ALDH18A1: variants seen among roughly 807,000 people sequenced by gnomAD.
ALDH18A1 encodes delta-1-pyrroline-5-carboxylate synthase.
A neutral mutation model predicts 88.8 loss-of-function variants in ALDH18A1; 44 were observed. The observed-to-expected ratio is 0.50, with a 90% CI of 0.39 to 0.64. The LOEUF is 0.64. Among genes scored for constraint, ALDH18A1 ranks in the 30% least tolerant of loss-of-function variants. The pLI, the probability that ALDH18A1 is intolerant of heterozygous loss-of-function variation, is 0.00. For synonymous variants in ALDH18A1, 331 were observed against 372.1 expected (o/e 0.89, Z 1.27); for missense variants, 782 against 1,009.5 (o/e 0.77, Z 3.05).
intron 2 of ALDH18A1, among the ~76,000 whole-genome samples, chr10:95,649,069 G>A (rs2097905770): frequency 6.6e-6 from 1 of 152,114 alleles, no homozygotes; most frequent in Non-Finnish European, 1.5e-5. Context: ...GCTTGGAAAT[G>A]GACTACTGAT....
In ALDH18A1 at chr10:95,612,354, G is replaced by A. The variant is rs112014986; in HGVS notation, c.1924-912C>T. On this transcript the variant is annotated intron_variant, in intron 15 of 17. Coordinates refer to ENST00000371224, the MANE Select transcript of ALDH18A1 (RefSeq NM_002860.4). ...TTTAAGGATTCTGAGGCTGGTCACC[G>A]AGGATCCCAATCACAAGCTGGATCC... Among the ~76,000 whole-genome samples the A allele has an allele frequency of 6.2e-3, 939 of 152,298 alleles. 6 individuals are homozygous for A. The highest frequency in any genetic ancestry group is 0.01 in the Non-Finnish European group (704 of 68,014).
intron 3 of ALDH18A1, among the ~76,000 whole-genome samples, chr10:95,639,985 T>C (rs533448366): frequency 1.5e-4 from 23 of 152,124 alleles, no homozygotes; most frequent in Non-Finnish European, 3.1e-4. Flanking sequence ...AGGGGATACA[T>C]AATGCCTGGT....
At chr10:95,625,336 T>C (rs373405092) in intron 11 of ALDH18A1, 26 bp downstream of exon 11, 12 of 1,601,804 alleles carry the variant, frequency 7.5e-6, no homozygotes, top group Non-Finnish European at 9.4e-6. Flanking sequence ...CTCCACAACA[T>C]TGACTTTAAA....
intron 11 of ALDH18A1, among the ~76,000 whole-genome samples, chr10:95,624,625 T>A (rs2097857922): frequency 6.6e-6 from 1 of 152,038 alleles, no homozygotes. Flanking sequence ...AAAGACAGAA[T>A]TAAGAAAAAG....
intron 7 of ALDH18A1, among the ~76,000 whole-genome samples, chr10:95,630,679 C>A (rs529754340): frequency 6.6e-6 from 1 of 152,138 alleles, no homozygotes; most frequent in African/African-American, 2.4e-5. Flanking sequence ...CCACTGCACT[C>A]CAGCCTGGGT....
At chr10:95,629,753 A>G (rs1351897302) in intron 7 of ALDH18A1, among the ~76,000 whole-genome samples, 1 of 152,086 alleles carries the variant, frequency 6.6e-6, no homozygotes, top group Non-Finnish European at 1.5e-5. Flanking sequence ...CCCCACCAAG[A>G]GCATAGTTAA....
At chr10:95,640,187 G>A (rs920916519) in intron 3 of ALDH18A1, among the ~76,000 whole-genome samples, 1 of 151,808 alleles carries the variant, frequency 6.6e-6, no homozygotes, top group African/African-American at 2.4e-5. Context: ...TCTATGAAAA[G>A]CAGGACAAAT....
chr10:95,620,899 C>G, intron 12 of ALDH18A1, 132 bp downstream of exon 12: 1 of 880,520 alleles, frequency 1.1e-6, no homozygotes, highest in Non-Finnish European at 1.8e-6. Flanking sequence ...TGTAACAAAC[C>G]TGCACGTTGT....
chr10:95,606,996 T>TC, intron 17 of ALDH18A1, 53 bp from the exon 18 acceptor site: 1 of 1,586,286 alleles, frequency 6.3e-7, no homozygotes, highest in South Asian at 1.1e-5. Flanking sequence ...CTGCTTCCTG[T>TC]CCATGCCCCA....
intron 15 of ALDH18A1, among the ~76,000 whole-genome samples, chr10:95,612,181 C>T (rs2097836240): frequency 1.3e-5 from 2 of 152,180 alleles, no homozygotes; most frequent in Admixed American, 6.5e-5. Flanking sequence ...CCCAGGTTTG[C>T]TTTAGAGGTA....
At chr10:95,638,285 A>C (rs980762984) in intron 3 of ALDH18A1, among the ~76,000 whole-genome samples, 1 of 152,180 alleles carries the variant, frequency 6.6e-6, no homozygotes, top group African/African-American at 2.4e-5. Context: ...GGCCTCCCAA[A>C]GCATTGGGAT....
rs569086681 is a variant in ALDH18A1, at chr10:95,616,589, C to T, written c.1493G>A (p.Gly498Asp). ...PQVAALAIAS[G>D]NGLLLKGGKE... ...CCCTCCTTTGAGTAACAAGCCATTG[C>T]CACTTGCGATAGCCAAAGCTGCCAC... The change falls in exon 13 of 18, where the codon GGC becomes GAC. Residue 498 changes from glycine to aspartate, a missense_variant. Transcript: ENST00000371224. The T allele has an allele frequency of 1.2e-6, 2 of 1,607,110 alleles. No homozygotes were observed. The highest frequency in any genetic ancestry group is 2.2e-5 in the South Asian group (2 of 89,212).
intron 15 of ALDH18A1, among the ~76,000 whole-genome samples, chr10:95,612,509 C>T (rs554612133): frequency 4.7e-4 from 71 of 152,306 alleles, no homozygotes; most frequent in African/African-American, 1.4e-3. Flanking sequence ...GAGGCCCTGC[C>T]ATTGTTTCTT....
chr10:95,629,071 T>C (rs2097864395), intron 7 of ALDH18A1, among the ~76,000 whole-genome samples: 1 of 152,204 alleles, frequency 6.6e-6, no homozygotes, highest in Non-Finnish European at 1.5e-5. Flanking sequence ...TTTATTACCA[T>C]AAAGTGTATG....
intron 2 of ALDH18A1, among the ~76,000 whole-genome samples, chr10:95,644,910 T>G (rs1207804255): frequency 6.6e-6 from 1 of 152,234 alleles, no homozygotes; most frequent in Admixed American, 6.5e-5. Context: ...CTGATGGATT[T>G]CACAGTGCTA....
intron 15 of ALDH18A1, among the ~76,000 whole-genome samples, chr10:95,612,192 A>T (rs560839487): frequency 6.6e-6 from 1 of 152,280 alleles, no homozygotes; most frequent in Non-Finnish European, 1.5e-5. Flanking sequence ...TTTAGAGGTA[A>T]GCAGTACTTG....
At chr10:95,655,141 T>C (rs890108444) in intron 1 of ALDH18A1, among the ~76,000 whole-genome samples, 1 of 144,650 alleles carries the variant, frequency 6.9e-6, no homozygotes, top group Non-Finnish European at 1.6e-5. Context: ...ATTATTATTA[T>C]TATTATTATT....
At chr10:95,654,265 A>G (rs914562395) in intron 1 of ALDH18A1, among the ~76,000 whole-genome samples, 4 of 151,500 alleles carry the variant, frequency 2.6e-5, no homozygotes, top group Non-Finnish European at 5.9e-5. Context: ...CCCGGGTTCA[A>G]GTGATTCCCC....
In ALDH18A1 at chr10:95,653,387, T is replaced by C. The variant is rs778112659; in HGVS notation, c.-10A>G. Reference sequence around the variant, plus strand: ...AAACTTGACTCAACATGCTGCGATGTGGTCACTAACCAAAGTATCTGCAGA... The same window carrying C: ...AAACTTGACTCAACATGCTGCGATGCGGTCACTAACCAAAGTATCTGCAGA... On this transcript the variant is annotated 5_prime_UTR_variant, in exon 2 of 18. Transcript: ENST00000371224. The C allele has an allele frequency of 1.7e-5, 27 of 1,613,370 alleles. No homozygotes were observed. The East Asian group carries it at 2.2e-4, about 13-fold the overall frequency.
Sources: allele counts gnomAD v4.1 joint callset (sites outside exome capture counted in the v4.1 genomes callset), GRCh38; gene constraint gnomAD v4.1.1; transcripts MANE v1.5; gene names NCBI Gene and HGNC (gene_info 2026-07-23, HGNC 2026-07-21).